Variants in PPP1R13B observed in about 807,000 individuals in gnomAD.
PPP1R13B encodes the protein protein phosphatase 1 regulatory subunit 13B.
A neutral mutation model predicts 119.8 loss-of-function variants in PPP1R13B; 44 were observed. That is an observed-to-expected ratio of 0.37 (90% CI 0.29 to 0.47). The LOEUF (loss-of-function observed/expected upper bound fraction) is 0.47. Among genes scored for constraint, PPP1R13B ranks in the 20% least tolerant of loss-of-function variants. The pLI, the probability that PPP1R13B is intolerant of heterozygous loss-of-function variation, is 0.99. For missense variants in PPP1R13B, 1,227 were observed against 1,413.5 expected (o/e 0.87, Z 2.12); for synonymous variants, 542 against 561.5 (o/e 0.97, Z 0.49).
intron 1 of PPP1R13B, among the ~76,000 whole-genome samples, chr14:103,798,066 T>C (rs1021347200): frequency 6.6e-6 from 1 of 151,768 alleles, no homozygotes; most frequent in African/African-American, 2.4e-5. Context: ...AGCTTTGGAA[T>C]AAAGGTGCTG....
rs2084176804 is a variant in PPP1R13B, at chr14:103,738,850, C to T, written c.2730+36G>A. ...GCCTGTGAGCGCCCATCCCCTCGCC[C>T]CCAGCAGCGTGCACTGGTCCCCGGC... On this transcript the variant is annotated intron_variant, in intron 13 of 16. Coordinates refer to ENST00000202556, the MANE Select transcript of PPP1R13B (RefSeq NM_015316.3). This position sits in a 1 kb window ranked among gnomAD's most constrained non-coding sequence, Gnocchi z 5.6. 4 of 1,613,464 alleles carry T rather than the reference C, an allele frequency of 2.5e-6. No individual in the cohort carries two copies. The East Asian group carries it at 8.9e-5, about 36-fold the overall frequency.
chr14:103,835,061 A>C (rs983606669), intron 1 of PPP1R13B, among the ~76,000 whole-genome samples: 3 of 152,174 alleles, frequency 2.0e-5, no homozygotes, highest in Admixed American at 1.3e-4. Context: ...TGCTAAGAAG[A>C]AGCCTCATGG....
chr14:103,797,955 A>G (rs1417447755), intron 1 of PPP1R13B, among the ~76,000 whole-genome samples: 1 of 152,096 alleles, frequency 6.6e-6, no homozygotes, highest in East Asian at 1.9e-4. Flanking sequence ...TTCATACCAT[A>G]TATCGTACAC....
chr14:103,762,179 T>C (rs1029436555), intron 4 of PPP1R13B, among the ~76,000 whole-genome samples: 4 of 152,210 alleles, frequency 2.6e-5, no homozygotes, highest in South Asian at 2.1e-4. Context: ...AGAGAGAACA[T>C]GTATATGTTT....
intron 1 of PPP1R13B, among the ~76,000 whole-genome samples, chr14:103,829,802 C>T (rs902302768): frequency 6.6e-6 from 1 of 152,010 alleles, no homozygotes; most frequent in African/African-American, 2.4e-5. Context: ...TTTTTTTAAA[C>T]GCAGTCTCCC....
intron 5 of PPP1R13B, among the ~76,000 whole-genome samples, chr14:103,756,681 A>G (rs1001891283): frequency 1.3e-5 from 2 of 152,144 alleles, no homozygotes; most frequent in African/African-American, 4.8e-5. Context: ...CTTCTTGAAC[A>G]TTAATACCAA....
intron 1 of PPP1R13B, among the ~76,000 whole-genome samples, chr14:103,826,565 T>C (rs2086546696): frequency 6.6e-6 from 1 of 152,152 alleles, no homozygotes; most frequent in Non-Finnish European, 1.5e-5. Flanking sequence ...CTAATAAAGC[T>C]TCAAATCACA....
chr14:103,784,570 G>A (rs180693369), intron 3 of PPP1R13B, among the ~76,000 whole-genome samples: 2 of 119,508 alleles, frequency 1.7e-5, no homozygotes, highest in East Asian at 2.8e-4. Flanking sequence ...GCGACAGAGT[G>A]AGACTCTGTC....
chr14:103,848,295 C>T (rs374285887), upstream of PPP1R13B: 26 of 985,454 alleles, frequency 2.6e-5, no homozygotes, highest in African/African-American at 3.8e-4. Flanking sequence ...CCTCGAGGTC[C>T]AGCTCCAGCG....
At chr14:103,757,515 A>G (rs1018009593) in intron 5 of PPP1R13B, 135 bp downstream of exon 5, 8 of 728,458 alleles carry the variant, frequency 1.1e-5, no homozygotes, top group African/African-American at 1.8e-5. Flanking sequence ...AAAGAGAGAA[A>G]GACTGCATTT....
rs968005175 is a variant in PPP1R13B, at chr14:103,753,488, G to A, written c.632-292C>T. On this transcript the variant is annotated intron_variant, in intron 6 of 16. Coordinates refer to ENST00000202556, the MANE Select transcript of PPP1R13B (RefSeq NM_015316.3). ...CTCTGAGACCAAAGGTTTTGTGAAG[G>A]CAGGGCCATCCAAGCCTCTCTCGTG... 3.3e-5 allele frequency among the ~76,000 whole-genome samples: 5 copies of A among 152,166 alleles called. 1 individual carries two copies. Among genetic ancestry groups the A allele is most frequent in the Admixed American group, 3.3e-4 (5 of 15,276 alleles).
intron 1 of PPP1R13B, among the ~76,000 whole-genome samples, chr14:103,827,910 T>A (rs1489783669): frequency 3.9e-5 from 6 of 152,124 alleles, no homozygotes; most frequent in Admixed American, 3.9e-4. Flanking sequence ...AGTATCTAAC[T>A]ACCAGCAACT....
intron 15 of PPP1R13B, chr14:103,736,427 C>T (rs1264093709): frequency 5.1e-6 from 3 of 589,648 alleles, no homozygotes; most frequent in Non-Finnish European, 9.1e-6. Flanking sequence ...CTAAGTCCTG[C>T]AGGACAGACA....
In PPP1R13B at chr14:103,734,928, T is replaced by C; in HGVS notation, c.*226A>G. The C allele has an allele frequency of 3.0e-6, 2 of 675,158 alleles. No homozygotes were observed. Among genetic ancestry groups the C allele is most frequent in the Non-Finnish European group, 2.7e-6 (1 of 368,954 alleles). 41.8% of individuals were successfully genotyped at this position (675,158 alleles called of 1,614,324 possible). Reference sequence around the variant, plus strand: ...GGGTATTTATTTGGATTTATAGTAATTGGCAAAATTCAGTCCTTGGAGGCG... The same window carrying C: ...GGGTATTTATTTGGATTTATAGTAACTGGCAAAATTCAGTCCTTGGAGGCG... On this transcript the variant is annotated 3_prime_UTR_variant, in exon 17 of 17. Coordinates refer to ENST00000202556, the MANE Select transcript of PPP1R13B (RefSeq NM_015316.3).
intron 7 of PPP1R13B, among the ~76,000 whole-genome samples, chr14:103,750,693 TG>T (rs1005416440): frequency 6.6e-6 from 1 of 151,466 alleles, no homozygotes; most frequent in African/African-American, 2.4e-5. Context: ...TAGCCAGGTG[TG>T]GTGGCATGTG....
intron 4 of PPP1R13B, among the ~76,000 whole-genome samples, chr14:103,762,577 A>G (rs1192488180): frequency 6.8e-6 from 1 of 148,048 alleles, no homozygotes; most frequent in African/African-American, 2.5e-5. Flanking sequence ...GTGCACATGT[A>G]CCCTAAAACT....
chr14:103,803,040 G>A (rs919711722), intron 1 of PPP1R13B, among the ~76,000 whole-genome samples: 1 of 152,000 alleles, frequency 6.6e-6, no homozygotes, highest in Non-Finnish European at 1.5e-5. Context: ...AAGCATCACC[G>A]AAAACTGAAG....
chr14:103,838,177 C>A (rs531112119), intron 1 of PPP1R13B, among the ~76,000 whole-genome samples: 17 of 151,336 alleles, frequency 1.1e-4, no homozygotes, highest in African/African-American at 3.9e-4. Context: ...GGTTTCTGAT[C>A]ATCTCTACAG....
At chr14:103,813,152 G>A (rs544589650) in intron 1 of PPP1R13B, among the ~76,000 whole-genome samples, 1 of 152,188 alleles carries the variant, frequency 6.6e-6, no homozygotes, top group Admixed American at 6.5e-5. Flanking sequence ...AAGCAACCAA[G>A]ATGTCCTTCA....
Sources: allele counts gnomAD v4.1 joint callset (sites outside exome capture counted in the v4.1 genomes callset), GRCh38; gene constraint gnomAD v4.1.1; non-coding constraint Gnocchi (gnomAD v3.1); transcripts MANE v1.5; gene names NCBI Gene and HGNC (gene_info 2026-07-23, HGNC 2026-07-21).